Variants in ZFAT observed in about 807,000 individuals in gnomAD.
ZFAT encodes the protein zinc finger protein ZFAT.
ZFAT carries 64 observed loss-of-function variants against 117.7 expected under a neutral mutation model. The observed-to-expected ratio is 0.54, with a 90% confidence interval of 0.44 to 0.67. ZFAT has a LOEUF of 0.67. Ranked by LOEUF, ZFAT falls within the 30% of genes least tolerant of loss-of-function variation. The pLI is 0.00. For synonymous variants in ZFAT, 679 were observed against 615.0 expected (o/e 1.10, Z -1.54); for missense variants, 1,433 against 1,584.5 (o/e 0.90, Z 1.62).
chr8:134,509,243 AC>A (rs1264789489), intron 15 of ZFAT, among the ~76,000 whole-genome samples: 1 of 152,108 alleles, frequency 6.6e-6, no homozygotes, highest in Non-Finnish European at 1.5e-5. Context: ...TTCTCCGGCT[AC>A]CCCCATGCAT....
chr8:134,706,279 C>T (rs1016177474), intron 1 of ZFAT, among the ~76,000 whole-genome samples: 4 of 152,176 alleles, frequency 2.6e-5, no homozygotes, highest in Admixed American at 1.3e-4. Flanking sequence ...TGTATCCACG[C>T]AACAGAAAGA....
At chr8:134,658,918 G>A (rs1051084693) in intron 1 of ZFAT, among the ~76,000 whole-genome samples, 3 of 152,196 alleles carry the variant, frequency 2.0e-5, no homozygotes, top group African/African-American at 7.2e-5. Context: ...TGCCTATTCA[G>A]CAGCAAGAAC....
At chr8:134,579,262 C>T (rs73365310) in intron 10 of ZFAT, among the ~76,000 whole-genome samples, 4,148 of 152,222 alleles carry the variant, frequency 0.027, 215 homozygotes, top group African/African-American at 0.095. Flanking sequence ...TGTATTAGTC[C>T]GTTTTCAAAC....
chr8:134,692,755 G>C (rs1586959891), intron 1 of ZFAT, among the ~76,000 whole-genome samples: 2 of 152,182 alleles, frequency 1.3e-5, no homozygotes, highest in Admixed American at 1.3e-4. Flanking sequence ...CAGATGCCTC[G>C]GGCTAAAGAG....
intron 1 of ZFAT, among the ~76,000 whole-genome samples, chr8:134,683,922 GAAAGAAAAA>G (rs1427582836): frequency 1.3e-5 from 2 of 151,804 alleles, no homozygotes; most frequent in African/African-American, 2.4e-5. Context: ...ATTTTTCTGG[GAAAGAAAAA>G]AAAGAAAAGA....
At chr8:134,520,029 T>C (rs1396460977) in intron 13 of ZFAT, among the ~76,000 whole-genome samples, 2 of 152,226 alleles carry the variant, frequency 1.3e-5, no homozygotes, top group Non-Finnish European at 2.9e-5. Context: ...TGTATTATTT[T>C]TTTCATATGT....
chr8:134,517,774 A>G (rs2130443030), intron 13 of ZFAT, among the ~76,000 whole-genome samples: 1 of 152,302 alleles, frequency 6.6e-6, no homozygotes, highest in East Asian at 1.9e-4. Context: ...TTTGAGGAGT[A>G]CAGATGAGGT....
the ZFAT span, among the ~76,000 whole-genome samples, chr8:134,786,822 T>A: frequency 6.6e-6 from 1 of 151,692 alleles, no homozygotes; most frequent in African/African-American, 2.4e-5. Context: ...CATGCCTTAT[T>A]TCTTTCCTGA....
At chr8:134,594,288 T>C (rs1444491843) in intron 7 of ZFAT, among the ~76,000 whole-genome samples, 1 of 152,234 alleles carries the variant, frequency 6.6e-6, no homozygotes, top group Non-Finnish European at 1.5e-5. Context: ...GAAAACATTA[T>C]GTGCAATCAT....
the ZFAT span, among the ~76,000 whole-genome samples, chr8:134,744,456 C>T: frequency 1.3e-4 from 19 of 151,966 alleles, no homozygotes; most frequent in African/African-American, 4.1e-4. Context: ...CCACCATGCC[C>T]GGCTAATTTT....
chr8:134,700,230 G>C (rs1335249314), intron 1 of ZFAT, among the ~76,000 whole-genome samples: 2 of 152,218 alleles, frequency 1.3e-5, no homozygotes, highest in African/African-American at 4.8e-5. Flanking sequence ...GAAGTCACAA[G>C]AACTATCACA....
At chr8:134,730,452 G>T in the ZFAT span, among the ~76,000 whole-genome samples, 1 of 152,210 alleles carries the variant, frequency 6.6e-6, no homozygotes, top group Non-Finnish European at 1.5e-5. Context: ...TTTGTCACAA[G>T]AGAGACCTTT....
At chr8:134,555,480 G>A (rs75087457) in intron 11 of ZFAT, among the ~76,000 whole-genome samples, 283 of 152,324 alleles carry the variant, frequency 1.9e-3, no homozygotes, top group Non-Finnish European at 2.9e-3. Flanking sequence ...TTTCAAAGGA[G>A]AGCAGCCAAG....
chr8:134,713,283 C>T (rs1167147930), upstream of ZFAT, among the ~76,000 whole-genome samples: 2 of 152,238 alleles, frequency 1.3e-5, no homozygotes, highest in Non-Finnish European at 2.9e-5. Flanking sequence ...TGTGCCAGGC[C>T]TCTGCTAGCG....
At chr8:134,710,241 C>CT (rs759999593) in intron 1 of ZFAT, among the ~76,000 whole-genome samples, 29 of 152,304 alleles carry the variant, frequency 1.9e-4, no homozygotes, top group South Asian at 4.1e-4. Context: ...ATGTCAAACT[C>CT]TAACAAAATG....
chr8:134,491,050 G>T (rs1199892731), intron 15 of ZFAT, among the ~76,000 whole-genome samples: 2 of 152,168 alleles, frequency 1.3e-5, no homozygotes, highest in Non-Finnish European at 2.9e-5. Flanking sequence ...ACCAAGAATT[G>T]TTCTGTTCTC....
intron 12 of ZFAT, among the ~76,000 whole-genome samples, chr8:134,528,844 C>T (rs1821203892): frequency 6.6e-6 from 1 of 152,210 alleles, no homozygotes; most frequent in Non-Finnish European, 1.5e-5. Flanking sequence ...AACAATAATA[C>T]CACCAACGAC....
chr8:134,545,625 A>G (rs1477676761), intron 11 of ZFAT, among the ~76,000 whole-genome samples: 1 of 152,270 alleles, frequency 6.6e-6, no homozygotes, highest in Non-Finnish European at 1.5e-5. Context: ...AAGGCCACCC[A>G]TGTATGCATC....
chr8:134,722,447 A>C, the ZFAT span, among the ~76,000 whole-genome samples: 1 of 152,192 alleles, frequency 6.6e-6, no homozygotes, highest in Admixed American at 6.5e-5. Context: ...ACAAAAGAGG[A>C]CTGTGTACAA....
Sources: gnomAD v4.1 joint callset for allele counts (sites outside exome capture counted in the v4.1 genomes callset) on GRCh38, gnomAD v4.1.1 for gene constraint, MANE v1.5 for transcripts, NCBI Gene and HGNC (gene_info 2026-07-23, HGNC 2026-07-21) for gene names.